MACROD2: variants seen among roughly 807,000 people sequenced by gnomAD.
MACROD2 encodes the protein mono-ADP ribosylhydrolase 2.
Under a neutral mutation model 70.4 loss-of-function variants are expected in MACROD2, and 36 were observed. The observed-to-expected ratio is 0.51, with a 90% confidence interval of 0.39 to 0.68. The LOEUF is 0.68. Among genes scored for constraint, MACROD2 ranks in the 30% least tolerant of loss-of-function variants. MACROD2 has a pLI of 0.00. For synonymous variants in MACROD2, 172 were observed against 178.8 expected, an observed-to-expected ratio of 0.96 and a Z score of 0.30; for missense variants, 496 against 538.4, an observed-to-expected ratio of 0.92 and a Z score of 0.78.
chr20:15,620,193 G>C lies in MACROD2; in HGVS notation c.645+120346G>C, dbSNP rs549094317. Among the ~76,000 whole-genome samples the C allele has an allele frequency of 2.0e-5, 3 of 152,290 alleles. No individual in the cohort carries two copies. In the East Asian group the frequency reaches 5.8e-4, roughly 29 times the overall value. ...TGGATATGGCCCAGTTTCCAAGCTT[G>C]TGAAACTAAGTGGGTTATGTCCCAT... On this transcript the variant is annotated intron_variant, in intron 8 of 17. Coordinates refer to ENST00000684519, the MANE Select transcript of MACROD2 (RefSeq NM_001351661.2).
intron 5 of MACROD2, among the ~76,000 whole-genome samples, chr20:14,718,871 T>A (rs369383035): frequency 2.3e-4 from 35 of 152,336 alleles, no homozygotes; most frequent in African/African-American, 8.2e-4. Context: ...TTATTTTCTT[T>A]AACAAATATA....
intron 6 of MACROD2, among the ~76,000 whole-genome samples, chr20:15,369,639 T>C (rs1337898374): frequency 1.3e-5 from 2 of 152,152 alleles, no homozygotes; most frequent in African/African-American, 4.8e-5. Context: ...CCTTGGTAGA[T>C]GGTATCTATA....
intron 2 of MACROD2, among the ~76,000 whole-genome samples, chr20:14,060,018 T>C (rs987554624): frequency 2.0e-5 from 3 of 152,172 alleles, no homozygotes; most frequent in African/African-American, 7.2e-5. Context: ...GTTGAATCTT[T>C]TCGACCCTTA....
At chr20:14,745,015 A>T (rs746648061) in intron 5 of MACROD2, among the ~76,000 whole-genome samples, 49 of 152,186 alleles carry the variant, frequency 3.2e-4, no homozygotes, top group Non-Finnish European at 5.7e-4. Flanking sequence ...GGTGCATTTC[A>T]GACATGACTG....
chr20:15,656,723 G>T (rs1166399201), intron 8 of MACROD2, among the ~76,000 whole-genome samples: 1 of 152,080 alleles, frequency 6.6e-6, no homozygotes, highest in African/African-American at 2.4e-5. Context: ...TAGGCTAAAT[G>T]CAACACAGCC....
chr20:15,064,176 C>T (rs977128001), intron 5 of MACROD2, among the ~76,000 whole-genome samples: 1 of 151,972 alleles, frequency 6.6e-6, no homozygotes, highest in Admixed American at 6.6e-5. Flanking sequence ...AGGAGGGGAC[C>T]AATCTGAGTT....
intron 8 of MACROD2, among the ~76,000 whole-genome samples, chr20:15,598,143 A>G (rs2048770829): frequency 6.6e-6 from 1 of 152,146 alleles, no homozygotes; most frequent in Non-Finnish European, 1.5e-5. Flanking sequence ...CCAACTTTCC[A>G]CCTATGAAAA....
chr20:14,143,764 A>G (rs1172495090), intron 3 of MACROD2, among the ~76,000 whole-genome samples: 2 of 152,166 alleles, frequency 1.3e-5, no homozygotes, highest in Non-Finnish European at 2.9e-5. Context: ...GATTTTTTGA[A>G]CTGCATGTTT....
At chr20:15,646,773 C>T (rs1752098935) in intron 8 of MACROD2, among the ~76,000 whole-genome samples, 1 of 152,140 alleles carries the variant, frequency 6.6e-6, no homozygotes, top group South Asian at 2.1e-4. Flanking sequence ...GAAAAAGGTG[C>T]CTTGCTTCTC....
chr20:14,247,246 A>G (rs1180869859), intron 3 of MACROD2, among the ~76,000 whole-genome samples: 1 of 152,208 alleles, frequency 6.6e-6, no homozygotes, highest in African/African-American at 2.4e-5. Context: ...CAGATCCAAA[A>G]CTTGGACCTG....
In MACROD2 at chr20:13,995,566, G is replaced by T. The variant is rs528194673; in HGVS notation, c.-198G>T. 1.3e-4 allele frequency: 87 copies of T among 657,792 alleles called. 1 individual carries two copies. In the African/African-American group the frequency reaches 1.4e-3, roughly 11 times the overall value. 40.7% of individuals were successfully genotyped at this position (657,792 alleles called of 1,614,324 possible). A position where few individuals can be genotyped will look rare whatever the true frequency, so the allele number is the denominator to read the frequency against. On this transcript the variant is annotated 5_prime_UTR_variant, in exon 1 of 18. Transcript: ENST00000684519. The surrounding 1 kb of genome is among the most constrained non-coding windows in gnomAD (Gnocchi z 4.3). ...CGGCGTCCGCGGGGCTGAGGCGGGT[G>T]GGAGCCGGAGCCGAGCGCGGGCTGA... is the stretch of plus-strand genomic sequence containing the variant.
At chr20:15,065,641 G>C (rs894168510) in intron 5 of MACROD2, among the ~76,000 whole-genome samples, 23 of 142,648 alleles carry the variant, frequency 1.6e-4, no homozygotes, top group African/African-American at 5.7e-4. Flanking sequence ...GCGACAGAGC[G>C]AGACTCCGTC....
In MACROD2 at chr20:15,787,642, T is replaced by C. The variant is rs186365380; in HGVS notation, c.646-75103T>C. Among the ~76,000 whole-genome samples, 1,072 of 152,256 alleles carry C rather than the reference T, an allele frequency of 7.0e-3. 6 individuals carry two copies. The highest frequency in any genetic ancestry group is 0.036 in the South Asian group (173 of 4,824). ...TTGCTACAAAGGAATGATTTTGATATTTTTTTATGGTTGGGCAGTGAAATA... is the reference window on the plus strand; with the variant it reads ...TTGCTACAAAGGAATGATTTTGATACTTTTTTATGGTTGGGCAGTGAAATA... On this transcript the variant is annotated intron_variant, in intron 8 of 17. Transcript: ENST00000684519.
intron 2 of MACROD2, among the ~76,000 whole-genome samples, chr20:14,044,778 C>T (rs1314082804): frequency 2.0e-5 from 3 of 152,234 alleles, no homozygotes; most frequent in Non-Finnish European, 2.9e-5. Flanking sequence ...CAGTGGATCC[C>T]GCACTGGGGC....
rs1197398650 is a variant in MACROD2 at position 15,207,601 on chromosome 20, C to G, written c.419-22339C>G. Among the ~76,000 whole-genome samples, 14 of 151,922 alleles carry G rather than the reference C, an allele frequency of 9.2e-5. No homozygotes were observed. The East Asian group carries it at 2.7e-3, about 29-fold the overall frequency. On this transcript the variant is annotated intron_variant, in intron 5 of 17. Coordinates refer to ENST00000684519, the MANE Select transcript of MACROD2 (RefSeq NM_001351661.2). ...GGGACTACAGGTGTGTGCCACCACG[C>G]CTGGCTAATTTTTGTATTTTCAGTA...
At chr20:14,342,609 A>T (rs2083024797) in intron 3 of MACROD2, among the ~76,000 whole-genome samples, 1 of 152,174 alleles carries the variant, frequency 6.6e-6, no homozygotes, top group Non-Finnish European at 1.5e-5. Context: ...ATCTTTCTCA[A>T]CAATTCCAAA....
chr20:15,726,289 C>T (rs2050861675), intron 8 of MACROD2, among the ~76,000 whole-genome samples: 1 of 152,116 alleles, frequency 6.6e-6, no homozygotes, highest in South Asian at 2.1e-4. Flanking sequence ...GCATAGTATT[C>T]CATGATATGT....
chr20:15,002,030 C>A (rs368853073), intron 5 of MACROD2, among the ~76,000 whole-genome samples: 1 of 152,050 alleles, frequency 6.6e-6, no homozygotes, highest in Admixed American at 6.6e-5. Flanking sequence ...GGCATTCGGG[C>A]TGGTTTCATA....
At chr20:14,591,818 T>G (rs1004269032) in intron 4 of MACROD2, among the ~76,000 whole-genome samples, 6 of 152,190 alleles carry the variant, frequency 3.9e-5, no homozygotes. Flanking sequence ...AAGCCAACCA[T>G]ATACCAAGCA....
Sources: gnomAD v4.1 joint callset for allele counts (sites outside exome capture counted in the v4.1 genomes callset) on GRCh38, gnomAD v4.1.1 for gene constraint, Gnocchi (gnomAD v3.1) non-coding constraint, MANE v1.5 for transcripts, NCBI Gene and HGNC (gene_info 2026-07-23, HGNC 2026-07-21) for gene names.